Variants in CNGB3 observed in about 807,000 individuals in gnomAD.
The protein encoded by CNGB3 is cyclic nucleotide-gated channel beta-3.
A neutral mutation model predicts 92.8 loss-of-function variants in CNGB3; 86 were observed. The observed-to-expected ratio is 0.93, with a 90% confidence interval of 0.78 to 1.11. CNGB3 has a LOEUF of 1.11. Ranked by LOEUF, CNGB3 falls within the 50% of genes least tolerant of loss-of-function variation. The probability of loss-of-function intolerance (pLI) is 0.00; values close to 1 mark genes in which losing one functional copy is unlikely to be tolerated. For missense variants in CNGB3, 1,026 were observed against 956.8 expected, an observed-to-expected ratio of 1.07 and a Z score of -0.95; for synonymous variants, 333 against 332.7, an observed-to-expected ratio of 1.00 and a Z score of -0.01.
intron 2 of CNGB3, among the ~76,000 whole-genome samples, chr8:86,729,360 TA>T (rs1159081170): frequency 6.6e-6 from 1 of 152,224 alleles, no homozygotes; most frequent in East Asian, 1.9e-4. Context: ...TGTCCATTCC[TA>T]ATAAGAATTT....
At chr8:86,627,110 T>A (rs1048245399) in intron 12 of CNGB3, among the ~76,000 whole-genome samples, 1 of 146,336 alleles carries the variant, frequency 6.8e-6, no homozygotes, top group Non-Finnish European at 1.5e-5. Context: ...GATTTTTTTT[T>A]AATGTTTTCT....
intron 10 of CNGB3, among the ~76,000 whole-genome samples, chr8:86,633,486 G>A (rs1823003023): frequency 6.6e-6 from 1 of 152,164 alleles, no homozygotes; most frequent in Non-Finnish European, 1.5e-5. Flanking sequence ...TCATAGCATG[G>A]ATGTCTAAGG....
At chr8:86,636,643 A>T (rs1250286114) in intron 10 of CNGB3, among the ~76,000 whole-genome samples, 1 of 151,028 alleles carries the variant, frequency 6.6e-6, no homozygotes, top group Non-Finnish European at 1.5e-5. Context: ...ATTTAAAGAA[A>T]GTACAGTATT....
In CNGB3 at chr8:86,625,390, T is replaced by TA. The variant is rs547602834; in HGVS notation, c.1578+592dup. Among the ~76,000 whole-genome samples, 51 of 152,348 alleles carry TA rather than the reference T, an allele frequency of 3.3e-4. No individual in the cohort carries two copies. The East Asian group carries it at 9.8e-3, about 29-fold the overall frequency. ...ATTGAATGGATGAGTCGGTGAATGC[T>TA]ATACCCAGAAGGAAATATTAGGTGA... On this transcript the variant is annotated intron_variant, in intron 13 of 17. Coordinates refer to ENST00000320005, the MANE Select transcript of CNGB3 (RefSeq NM_019098.5).
At chr8:86,621,542 G>C (rs1333741825) in intron 13 of CNGB3, among the ~76,000 whole-genome samples, 2 of 152,032 alleles carry the variant, frequency 1.3e-5, no homozygotes, top group Non-Finnish European at 2.9e-5. Flanking sequence ...TTCTTTAGTG[G>C]TGATTTCTGA....
At chr8:86,613,232 T>C (rs1162533466) in intron 13 of CNGB3, among the ~76,000 whole-genome samples, 1 of 152,248 alleles carries the variant, frequency 6.6e-6, no homozygotes, top group Non-Finnish European at 1.5e-5. Context: ...TTATTTATAT[T>C]TGTTTTAGTC....
chr8:86,647,492 G>A (rs1188362768), intron 8 of CNGB3, among the ~76,000 whole-genome samples: 1 of 150,494 alleles, frequency 6.6e-6, no homozygotes. Flanking sequence ...AAAACAAAAA[G>A]TATAAAATAC....
chr8:86,721,042 C>T (rs1027002157), intron 3 of CNGB3, among the ~76,000 whole-genome samples: 1 of 152,016 alleles, frequency 6.6e-6, no homozygotes, highest in African/African-American at 2.4e-5. Context: ...TCTTGGCTCA[C>T]TGCAACCTCT....
chr8:86,654,532 C>T (rs183431725), intron 6 of CNGB3, among the ~76,000 whole-genome samples: 167 of 152,178 alleles, frequency 1.1e-3, no homozygotes, highest in African/African-American at 3.7e-3. Context: ...CTCCATTAAA[C>T]GGTAATCTAT....
At chr8:86,682,308 A>G (rs1015860138) in intron 3 of CNGB3, among the ~76,000 whole-genome samples, 16 of 152,280 alleles carry the variant, frequency 1.1e-4, no homozygotes, top group Middle Eastern at 3.4e-3. Context: ...ACACCTAGAG[A>G]AAAATAAGTC....
At chr8:86,680,486 C>T (rs1051989650) in intron 3 of CNGB3, among the ~76,000 whole-genome samples, 5 of 152,302 alleles carry the variant, frequency 3.3e-5, no homozygotes, top group African/African-American at 9.6e-5. Context: ...CCATGGTCAA[C>T]CATTGGGGTG....
Position 86,654,008 on chromosome 8 carries a change from C to T in CNGB3, c.903+4G>A, listed in dbSNP as rs201263479. 2.5e-6 allele frequency: 4 copies of T among 1,581,910 alleles called. No individual in the cohort carries two copies. Among genetic ancestry groups the T allele is most frequent in the African/African-American group, 1.3e-5 (1 of 74,342 alleles). Reference sequence around the variant, plus strand: ...GAGCAACTTTGAAATTGTTTGTCACCTACCTGAAATTTTGTAGAAGTCCTG... The same window carrying T: ...GAGCAACTTTGAAATTGTTTGTCACTTACCTGAAATTTTGTAGAAGTCCTG... On this transcript the variant is annotated splice_donor_region_variant and intron_variant, in intron 7 of 17. Transcript: ENST00000320005.
At position 86,604,188 on chromosome 8, in the gene CNGB3, A is replaced by G. The variant is rs1275627369; in HGVS notation, c.1686T>C (p.Tyr562=). Reference sequence around the variant, plus strand: ...CTTGGACTTCTCCATGCTTGATGATATACATTTCCTTGCCAATTTCTCCCT... The same window carrying G: ...CTTGGACTTCTCCATGCTTGATGATGTACATTTCCTTGCCAATTTCTCCCT... ...CKKGEIGKEM[Y]IIKHGEVQVL... Residue 562 remains tyrosine, a synonymous_variant, in exon 15 of 18, where the codon TAT becomes TAC. Coordinates refer to ENST00000320005, the MANE Select transcript of CNGB3 (RefSeq NM_019098.5). 5 of 1,612,660 alleles carry G rather than the reference A, an allele frequency of 3.1e-6. No homozygotes were observed. In the South Asian group the frequency reaches 5.5e-5, roughly 18 times the overall value.
At position 86,654,045 on chromosome 8, in the gene CNGB3, T is replaced by C. The variant is rs757796486; in HGVS notation, c.870A>G (p.Leu290=). 1.2e-6 allele frequency: 2 copies of C among 1,600,308 alleles called. No homozygotes were observed. The highest frequency in any genetic ancestry group is 1.7e-6 in the Non-Finnish European group (2 of 1,167,678). Residue 290 remains leucine, a synonymous_variant, in exon 7 of 18, where the codon CTA becomes CTG. Transcript: ENST00000320005. Reference sequence around the variant, plus strand: ...TTGTAGAAGTCCTGTAGTGTTTCCTTAGCTCATTTGAATCCACCTGAAAGA... The same window carrying C: ...TTGTAGAAGTCCTGTAGTGTTTCCTCAGCTCATTTGAATCCACCTGAAAGA... The part of the protein sequence containing the change: ...GGDIIVDSNE[L]RKHYRTSTKF...
chr8:86,659,921 A>G (rs921463815), intron 6 of CNGB3: 5 of 370,232 alleles, frequency 1.4e-5, no homozygotes, highest in African/African-American at 4.3e-5. Flanking sequence ...AGGCAAGACA[A>G]TTGAGCTGTT....
chr8:86,584,123 A>G (rs1180751967), intron 15 of CNGB3, among the ~76,000 whole-genome samples: 9 of 152,144 alleles, frequency 5.9e-5, no homozygotes, highest in Non-Finnish European at 1.3e-4. Context: ...ATTTTACCCC[A>G]TCTATCTATG....
At chr8:86,623,796 AG>A (rs1377046669) in intron 13 of CNGB3, among the ~76,000 whole-genome samples, 28 of 152,190 alleles carry the variant, frequency 1.8e-4, no homozygotes, top group Non-Finnish European at 1.0e-4. Context: ...CTTGTTCCTC[AG>A]GCCTAAATCC....
chr8:86,587,122 G>T (rs1389060139), intron 15 of CNGB3, among the ~76,000 whole-genome samples: 63 of 146,992 alleles, frequency 4.3e-4, no homozygotes, highest in African/African-American at 1.5e-3. Context: ...TTTTTTGGCT[G>T]CATAAATGTC....
At chr8:86,589,780 AGGTGT>A (rs966178357) in intron 15 of CNGB3, among the ~76,000 whole-genome samples, 19 of 151,762 alleles carry the variant, frequency 1.3e-4, no homozygotes. Context: ...ATTTTGGAAT[AGGTGT>A]GGTGTGGTGC....
Sources: allele counts gnomAD v4.1 joint callset (sites outside exome capture counted in the v4.1 genomes callset), GRCh38; gene constraint gnomAD v4.1.1; transcripts MANE v1.5; gene names NCBI Gene and HGNC (gene_info 2026-07-23, HGNC 2026-07-21).